RASGRP3: variants seen among roughly 807,000 people sequenced by gnomAD.
The protein encoded by RASGRP3 is RAS guanyl releasing protein 3, also known as ras guanyl-releasing protein 3.
Under a neutral mutation model 82.7 loss-of-function variants are expected in RASGRP3, and 54 were observed. The ratio of observed to expected loss-of-function variants is 0.65; its 90% confidence interval spans 0.52 to 0.82. RASGRP3 has a LOEUF of 0.82. RASGRP3 is among the 40% of genes least tolerant of loss of function. RASGRP3 has a pLI of 0.00. For synonymous variants in RASGRP3, 309 were observed against 300.5 expected, an observed-to-expected ratio of 1.03 and a Z score of -0.29; for missense variants, 861 against 828.9, an observed-to-expected ratio of 1.04 and a Z score of -0.48.
In RASGRP3 at chr2:33,487,152, C is replaced by A. The variant is rs1668468199; in HGVS notation, c.-261+10445C>A. On this transcript the variant is annotated intron_variant, in intron 1 of 17. Transcript: ENST00000403687. ...TCCGTAAATATTTTAGTATGTGTTT[C>A]TAAAAGATAAGTTCTCTTAAAAAGT... Among the ~76,000 whole-genome samples the A allele has an allele frequency of 2.6e-5, 4 of 151,982 alleles. No individual in the cohort carries two copies. In the South Asian group the frequency reaches 8.3e-4, roughly 32 times the overall value.
rs564918552 is a variant in RASGRP3 at position 33,559,239 on chromosome 2, TA to T, written c.2064+216del. ...CTTTATGGATCTCAGTATCATGATT[TA>T]AAAAAATTGAACGAGATCAAGTTCT... On this transcript the variant is annotated intron_variant, in intron 17 of 17. Coordinates refer to ENST00000403687, the MANE Select transcript of RASGRP3 (RefSeq NM_001139488.2). Among the ~76,000 whole-genome samples, 11 of 152,212 alleles carry T rather than the reference TA, an allele frequency of 7.2e-5. No individual in the cohort carries two copies. The East Asian group carries it at 2.1e-3, about 29-fold the overall frequency.
chr2:33,562,471 A>G (rs1445313181), intron 17 of RASGRP3, among the ~76,000 whole-genome samples: 1 of 151,540 alleles, frequency 6.6e-6, no homozygotes, highest in African/African-American at 2.4e-5. Flanking sequence ...GGGTCTTGCT[A>G]TATTTACCAG....
intron 10 of RASGRP3, 129 bp downstream of exon 10, chr2:33,527,541 A>C (rs1033724085): frequency 1.0e-6 from 1 of 979,580 alleles, no homozygotes; most frequent in Non-Finnish European, 1.5e-6. Flanking sequence ...AGATGAGAGG[A>C]AATCTCATAG....
rs1384480733 is a variant in RASGRP3 at position 33,542,787 on chromosome 2, G to A, written c.1279-725G>A. ...CAACCTCCTCCTCCCAGGTTCAAGCGATTCTCGTGCCTCAGCCCCCTGAGT... is the reference window on the plus strand; with the variant it reads ...CAACCTCCTCCTCCCAGGTTCAAGCAATTCTCGTGCCTCAGCCCCCTGAGT... On this transcript the variant is annotated intron_variant, in intron 12 of 17. Transcript: ENST00000403687. Among the ~76,000 whole-genome samples the A allele has an allele frequency of 5.9e-5, 7 of 119,188 alleles. 1 individual carries two copies. The highest frequency in any genetic ancestry group is 1.4e-4 in the Non-Finnish European group (7 of 48,674). The allele number at this position is 119,188 out of a possible 152,430, so 78.2% of individuals were successfully genotyped here.
intron 1 of RASGRP3, among the ~76,000 whole-genome samples, chr2:33,496,823 C>T (rs1259568056): frequency 6.6e-6 from 1 of 152,218 alleles, no homozygotes; most frequent in African/African-American, 2.4e-5. Flanking sequence ...CACCACTTCA[C>T]TCCAGCCTGG....
At chr2:33,516,710 C>G in intron 4 of RASGRP3, 66 bp downstream of exon 4, 1 of 1,086,734 alleles carries the variant, frequency 9.2e-7, no homozygotes, top group Non-Finnish European at 1.4e-6. Flanking sequence ...GATAGAGTGT[C>G]TATCCAAAGC....
At chr2:33,546,901 T>C (rs1293996356) in intron 13 of RASGRP3, among the ~76,000 whole-genome samples, 1 of 151,878 alleles carries the variant, frequency 6.6e-6, no homozygotes, top group Non-Finnish European at 1.5e-5. Context: ...ACCCCATCTC[T>C]ACTGAAAATA....
In RASGRP3 at chr2:33,530,155, G is replaced by A. The variant is rs577771377; in HGVS notation, c.1083+2743G>A. Among the ~76,000 whole-genome samples the A allele has an allele frequency of 3.9e-5, 6 of 152,304 alleles. No individual in the cohort carries two copies. The East Asian group carries it at 5.8e-4, about 15-fold the overall frequency. On this transcript the variant is annotated intron_variant, in intron 10 of 17. Coordinates refer to ENST00000403687, the MANE Select transcript of RASGRP3 (RefSeq NM_001139488.2). ...TGACCACAGCTGCCCCAATGCATGC[G>A]AAGGCATCCACATGCCAGCATTGGA...
At chr2:33,490,819 CCA>C (rs1668780872) in intron 1 of RASGRP3, among the ~76,000 whole-genome samples, 1 of 152,228 alleles carries the variant, frequency 6.6e-6, no homozygotes, top group African/African-American at 2.4e-5. Flanking sequence ...AACTCAAGAT[CCA>C]CACATAGAGT....
chr2:33,487,264 C>G (rs949464310), intron 1 of RASGRP3, among the ~76,000 whole-genome samples: 46 of 152,098 alleles, frequency 3.0e-4, no homozygotes, highest in Non-Finnish European at 1.3e-4. Context: ...GACATGAATA[C>G]ATTTGCATTC....
At chr2:33,557,422 AGACAAGGCCGGGCAC>A (rs1303671651) in intron 15 of RASGRP3, among the ~76,000 whole-genome samples, 1 of 152,178 alleles carries the variant, frequency 6.6e-6, no homozygotes, top group Non-Finnish European at 1.5e-5. Context: ...AAAAAAATCC[AGACAAGGCCGGGCAC>A]GGTGGCTCAC....
chr2:33,539,844 C>T (rs191361585), intron 12 of RASGRP3: 724 of 152,296 alleles, frequency 4.8e-3, no homozygotes, highest in Non-Finnish European at 7.7e-3. Context: ...AAAAATTAGC[C>T]GGGCGCGATG....
intron 2 of RASGRP3, among the ~76,000 whole-genome samples, chr2:33,466,114 T>C (rs907074080): frequency 2.6e-5 from 4 of 152,198 alleles, no homozygotes; most frequent in Non-Finnish European, 5.9e-5. Flanking sequence ...AGCTCATGGA[T>C]CAAGAAGTAA....
chr2:33,550,547 G>A (rs1235300702), intron 14 of RASGRP3, among the ~76,000 whole-genome samples: 1 of 152,150 alleles, frequency 6.6e-6, no homozygotes, highest in Non-Finnish European at 1.5e-5. Flanking sequence ...AGAAACTCCT[G>A]GGCCCTGAAT....
intron 16 of RASGRP3, 104 bp from the exon 17 acceptor site, chr2:33,558,568 C>A (rs1676277070): frequency 1.7e-6 from 2 of 1,166,460 alleles, no homozygotes; most frequent in Admixed American, 2.7e-5. Context: ...CTTGTCGGTT[C>A]CTCTAGAATG....
At chr2:33,549,398 TACAC>T (rs1675157955) in intron 13 of RASGRP3, among the ~76,000 whole-genome samples, 1 of 152,146 alleles carries the variant, frequency 6.6e-6, no homozygotes, top group Non-Finnish European at 1.5e-5. Context: ...GATGCACACA[TACAC>T]AATTTTCTGC....
In RASGRP3 at chr2:33,522,031, G is replaced by C. The variant is rs761878056; in HGVS notation, c.445G>C (p.Asp149His). 1.2e-6 allele frequency: 2 copies of C among 1,613,912 alleles called. No homozygotes were observed. The change falls in exon 7 of 18, where the codon GAC becomes CAC. Residue 149 changes from aspartate to histidine, a missense_variant. By Grantham distance (81) the Asp-to-His change is moderately conservative. Transcript: ENST00000403687. ...SKKGKACLLF[D>H]HLEPIELAEH... ...GAAGGGAAAAGCCTGTCTGCTGTTT[G>C]ACCATCTGGAGCCCATTGAATTGGC...
intron 7 of RASGRP3, 43 bp downstream of exon 7, chr2:33,522,145 A>C: frequency 6.4e-7 from 1 of 1,564,336 alleles, no homozygotes; most frequent in Non-Finnish European, 8.6e-7. Context: ...AACAACCACC[A>C]TGCCAACTTT....
chr2:33,472,963 C>T (rs548155357), upstream of RASGRP3, among the ~76,000 whole-genome samples: 23 of 151,300 alleles, frequency 1.5e-4, no homozygotes, highest in Middle Eastern at 3.5e-3. Context: ...GAAAAAAAGC[C>T]AAGCCACAAG....
Sources: gnomAD v4.1 joint callset for allele counts (sites outside exome capture counted in the v4.1 genomes callset) on GRCh38, gnomAD v4.1.1 for gene constraint, MANE v1.5 for transcripts, NCBI Gene and HGNC (gene_info 2026-07-23, HGNC 2026-07-21) for gene names.